The following KIAA1328 variants were observed in gnomAD, a reference collection of about 807,000 sequenced individuals.
KIAA1328 encodes protein hinderin.
KIAA1328 carries 52 observed loss-of-function variants against 68.1 expected under a neutral mutation model. That is an observed-to-expected ratio of 0.76 (90% CI 0.61 to 0.96). The LOEUF is 0.96. KIAA1328 is among the 40% of genes least tolerant of loss of function. KIAA1328 has a pLI of 0.00. For synonymous variants in KIAA1328, 232 were observed against 239.4 expected, an observed-to-expected ratio of 0.97 and a Z score of 0.28; for missense variants, 641 against 677.6, an observed-to-expected ratio of 0.95 and a Z score of 0.60.
chr18:37,072,492 G>T (rs941787143), intron 7 of KIAA1328, among the ~76,000 whole-genome samples: 1 of 151,816 alleles, frequency 6.6e-6, no homozygotes, highest in Non-Finnish European at 1.5e-5. Context: ...TATCCTATAA[G>T]GACTTTGATC....
At chr18:37,087,932 C>T (rs946583705) in intron 7 of KIAA1328, among the ~76,000 whole-genome samples, 1 of 152,184 alleles carries the variant, frequency 6.6e-6, no homozygotes, top group African/African-American at 2.4e-5. Context: ...TTTTCAGCCT[C>T]TCCTGGGGGA....
At chr18:37,091,100 CCTT>C (rs1356121039) in intron 7 of KIAA1328, among the ~76,000 whole-genome samples, 1 of 152,132 alleles carries the variant, frequency 6.6e-6, no homozygotes, top group Non-Finnish European at 1.5e-5. Context: ...GTATATAAAA[CCTT>C]CTGCAACTAA....
chr18:36,899,076 A>G (rs895928653), intron 5 of KIAA1328, among the ~76,000 whole-genome samples: 1 of 151,992 alleles, frequency 6.6e-6, no homozygotes, highest in African/African-American at 2.4e-5. Flanking sequence ...TCTCAGGAAG[A>G]AATACATATT....
intron 4 of KIAA1328, among the ~76,000 whole-genome samples, chr18:36,871,062 G>A (rs957564149): frequency 6.6e-6 from 1 of 152,110 alleles, no homozygotes; most frequent in Non-Finnish European, 1.5e-5. Context: ...TTAGATTTCT[G>A]GTTGGTTGGT....
intron 5 of KIAA1328, among the ~76,000 whole-genome samples, chr18:36,916,229 A>G (rs1305548248): frequency 6.6e-6 from 1 of 151,682 alleles, no homozygotes; most frequent in East Asian, 1.9e-4. Context: ...GTACCTGCTA[A>G]TATTGTTGCA....
At chr18:37,152,167 G>A (rs747742826) in intron 7 of KIAA1328, among the ~76,000 whole-genome samples, 17 of 149,388 alleles carry the variant, frequency 1.1e-4, no homozygotes, top group Non-Finnish European at 2.4e-4. Context: ...TGTTTCATAT[G>A]TACATGGAAG....
chr18:37,126,515 C>T (rs1216616218), intron 7 of KIAA1328, among the ~76,000 whole-genome samples: 1 of 152,044 alleles, frequency 6.6e-6, no homozygotes, highest in Non-Finnish European at 1.5e-5. Context: ...TCCCAGATGG[C>T]GTTACTGTCG....
At chr18:37,095,138 G>C (rs2057369247) in intron 7 of KIAA1328, among the ~76,000 whole-genome samples, 1 of 152,034 alleles carries the variant, frequency 6.6e-6, no homozygotes, top group South Asian at 2.1e-4. Flanking sequence ...ACAATAGTTG[G>C]GAACTTCAAC....
chr18:36,871,419 A>G (rs2047941147), intron 4 of KIAA1328, among the ~76,000 whole-genome samples: 2 of 152,104 alleles, frequency 1.3e-5, no homozygotes, highest in South Asian at 4.2e-4. Context: ...ATGATGTTAA[A>G]CTTGATTACC....
intron 7 of KIAA1328, among the ~76,000 whole-genome samples, chr18:37,096,641 G>A (rs323318): frequency 0.27 from 40,714 of 151,942 alleles, 8,612 homozygotes; most frequent in African/African-American, 0.59. Flanking sequence ...GAGATCCCTG[G>A]GGAATTGCCT....
intron 7 of KIAA1328, among the ~76,000 whole-genome samples, chr18:37,148,240 G>T (rs1002977340): frequency 1.1e-4 from 17 of 152,078 alleles, no homozygotes; most frequent in Admixed American, 1.1e-3. Flanking sequence ...TTGGCTTTCT[G>T]TTCCTGCATT....
At chr18:36,861,250 T>C (rs921156142) in intron 4 of KIAA1328, among the ~76,000 whole-genome samples, 2 of 152,154 alleles carry the variant, frequency 1.3e-5, no homozygotes, top group South Asian at 4.1e-4. Context: ...TTTCTCAAGA[T>C]TATATTGTTT....
chr18:36,865,716 C>G (rs1271005728), intron 4 of KIAA1328, among the ~76,000 whole-genome samples: 1 of 152,142 alleles, frequency 6.6e-6, no homozygotes, highest in Non-Finnish European at 1.5e-5. Context: ...CCTCTTCTCC[C>G]TGCTTGTGTT....
chr18:36,962,486 A>G (rs1188215837), intron 6 of KIAA1328, among the ~76,000 whole-genome samples: 1 of 152,216 alleles, frequency 6.6e-6, no homozygotes, highest in African/African-American at 2.4e-5. Flanking sequence ...AGACATCTAC[A>G]GAACTCTCTA....
chr18:37,019,163 C>T (rs1383056847), intron 6 of KIAA1328, among the ~76,000 whole-genome samples: 1 of 151,556 alleles, frequency 6.6e-6, no homozygotes, highest in African/African-American at 2.4e-5. Flanking sequence ...GCCCCCTCCT[C>T]CCCACCCCCC....
chr18:37,035,901 TC>T (rs964415775), intron 6 of KIAA1328, among the ~76,000 whole-genome samples: 2 of 152,192 alleles, frequency 1.3e-5, no homozygotes, highest in Non-Finnish European at 2.9e-5. Context: ...ACTCTTTTTT[TC>T]TCTCTCTCCT....
At chr18:37,047,797 G>A (rs1401250318) in intron 6 of KIAA1328, among the ~76,000 whole-genome samples, 1 of 152,148 alleles carries the variant, frequency 6.6e-6, no homozygotes, top group Non-Finnish European at 1.5e-5. Context: ...TTTGAGGGCT[G>A]TGAGAGTTGG....
intron 6 of KIAA1328, among the ~76,000 whole-genome samples, chr18:37,006,069 T>C (rs780829050): frequency 6.6e-6 from 1 of 151,784 alleles, no homozygotes; most frequent in East Asian, 1.9e-4. Context: ...CAAAAATGTA[T>C]TGTAATCAGG....
chr18:37,146,298 G>A (rs1163965848), intron 7 of KIAA1328, among the ~76,000 whole-genome samples: 1 of 152,000 alleles, frequency 6.6e-6, no homozygotes, highest in Non-Finnish European at 1.5e-5. Context: ...GTGTCCATGT[G>A]TTCTCATCAT....
Sources: gnomAD v4.1 joint callset for allele counts (sites outside exome capture counted in the v4.1 genomes callset) on GRCh38, gnomAD v4.1.1 for gene constraint, MANE v1.5 for transcripts, NCBI Gene and HGNC (gene_info 2026-07-23, HGNC 2026-07-21) for gene names.